Variants in LANCL3 observed in about 807,000 individuals in gnomAD.
LANCL3 encodes lanC-like protein 3.
A neutral mutation model predicts 26.5 loss-of-function variants in LANCL3; 19 were observed. The ratio of observed to expected loss-of-function variants is 0.72; its 90% CI spans 0.50 to 1.05. LANCL3 has a LOEUF of 1.05. Ranked by LOEUF, LANCL3 falls within the 50% of genes least tolerant of loss-of-function variation. The pLI, the probability that LANCL3 is intolerant of heterozygous loss-of-function variation, is 0.00. For missense variants in LANCL3, 318 were observed against 362.7 expected, an observed-to-expected ratio of 0.88 and a Z score of 1.00; for synonymous variants, 160 against 166.6, an observed-to-expected ratio of 0.96 and a Z score of 0.30.
At chrX:37,661,486 T>A (rs1297511369) in intron 3 of LANCL3, among the ~76,000 whole-genome samples, 6 of 111,275 alleles carry the variant, frequency 5.4e-5, no homozygotes, top group African/African-American at 2.0e-4. Flanking sequence ...AATAAACCAA[T>A]TCAAAAATGA....
chrX:37,584,729 A>G (rs1168467683), intron 1 of LANCL3, among the ~76,000 whole-genome samples: 2 of 111,154 alleles, frequency 1.8e-5, no homozygotes, highest in Non-Finnish European at 3.8e-5. Flanking sequence ...CGGTCTATCA[A>G]TTTTGTTGAT....
intron 1 of LANCL3, among the ~76,000 whole-genome samples, chrX:37,637,469 T>C (rs1307065408): frequency 5.4e-5 from 6 of 111,733 alleles, no homozygotes; most frequent in African/African-American, 2.0e-4. Flanking sequence ...GGAAACCTTT[T>C]GGTTTCCTGA....
At chrX:37,621,841 C>A (rs2146745299) in intron 1 of LANCL3, among the ~76,000 whole-genome samples, 1 of 111,556 alleles carries the variant, frequency 9.0e-6, no homozygotes, top group South Asian at 3.8e-4. Flanking sequence ...GCCCCCTTCC[C>A]CTTGGCTGGT....
At chrX:37,602,346 C>A (rs1556420099) in intron 1 of LANCL3, among the ~76,000 whole-genome samples, 1 of 111,561 alleles carries the variant, frequency 9.0e-6, no homozygotes, top group African/African-American at 3.3e-5. Flanking sequence ...CTTGTGTTGT[C>A]AGCTTAATGA....
chrX:37,584,654 C>A (rs182708846), intron 1 of LANCL3, among the ~76,000 whole-genome samples: 1 of 111,387 alleles, frequency 9.0e-6, no homozygotes, highest in African/African-American at 3.3e-5. Context: ...TCTGTGGGAT[C>A]GGTGGTGATA....
intron 1 of LANCL3, among the ~76,000 whole-genome samples, chrX:37,651,398 T>C (rs782303711): frequency 5.3e-5 from 6 of 112,369 alleles, no homozygotes; most frequent in Non-Finnish European, 1.1e-4. Context: ...TTAAATTTGT[T>C]TCATTTTATG....
At chrX:37,585,393 G>T (rs1255779372) in intron 1 of LANCL3, among the ~76,000 whole-genome samples, 9 of 111,126 alleles carry the variant, frequency 8.1e-5, no homozygotes, top group African/African-American at 3.0e-4. Context: ...GTTGACAGTG[G>T]GGTGTTAAAT....
chrX:37,682,662 CAT>C lies in LANCL3; in HGVS notation c.*6850_*6851del, dbSNP rs782210965. ...ACCCTTATATGTGGATATATTCAAA[CAT>C]GTGGATTGATTTAGATCATCCGTTT... On this transcript the variant is annotated 3_prime_UTR_variant, in exon 5 of 5. Transcript: ENST00000378619. The C allele has an allele frequency of 4.1e-3, 455 of 112,242 alleles. 2 individuals carry two copies. Among genetic ancestry groups the C allele is most frequent in the African/African-American group, 0.014 (437 of 30,891 alleles). 9.3% of individuals were successfully genotyped at this position (112,242 alleles called of 1,213,427 possible). A position where few individuals can be genotyped will look rare whatever the true frequency, so the allele number is the denominator to read the frequency against.
Position 37,590,200 on chromosome X carries a change from C to A in LANCL3, c.573+17757C>A, listed in dbSNP as rs147505544. 8.0e-3 allele frequency among the ~76,000 whole-genome samples: 898 copies of A among 112,305 alleles called. 5 individuals are homozygous for A. The highest frequency in any genetic ancestry group is 0.028 in the African/African-American group (851 of 30,905). On this transcript the variant is annotated intron_variant, in intron 1 of 4. Coordinates refer to ENST00000378619, the MANE Select transcript of LANCL3 (RefSeq NM_001170331.2). ...TATTCTGAGTGGTGGATTCAATAAG[C>A]TATTTTTTGCTCTTAAGTTCTCGTC...
chrX:37,579,960 G>A (rs782588127), intron 1 of LANCL3, among the ~76,000 whole-genome samples: 6 of 111,800 alleles, frequency 5.4e-5, no homozygotes, highest in Non-Finnish European at 9.4e-5. Context: ...AAACTGACGA[G>A]TATAAAATTA....
chrX:37,657,496 G>A (rs1437401059), intron 2 of LANCL3, among the ~76,000 whole-genome samples: 1 of 109,745 alleles, frequency 9.1e-6, no homozygotes, highest in Non-Finnish European at 1.9e-5. Context: ...CAAGTAGCTA[G>A]GACTACAGGT....
At chrX:37,582,278 A>G (rs1184084336) in intron 1 of LANCL3, among the ~76,000 whole-genome samples, 33 of 112,075 alleles carry the variant, frequency 2.9e-4, no homozygotes, top group African/African-American at 1.0e-3. Context: ...CATGACTTAC[A>G]ATCCTCTGGG....
chrX:37,594,943 A>G (rs1171292438), intron 1 of LANCL3, among the ~76,000 whole-genome samples: 2 of 111,994 alleles, frequency 1.8e-5, no homozygotes, highest in Non-Finnish European at 3.8e-5. Flanking sequence ...GCGAAATTAG[A>G]TGGCAAGTTG....
chrX:37,573,478 G>GT (rs200043095), intron 1 of LANCL3, among the ~76,000 whole-genome samples: 37 of 110,660 alleles, frequency 3.3e-4, no homozygotes, highest in South Asian at 7.6e-4. Context: ...GGCAGACAGG[G>GT]TTTTTTTTTA....
intron 1 of LANCL3, among the ~76,000 whole-genome samples, chrX:37,636,346 G>A (rs782328037): frequency 5.4e-5 from 6 of 111,742 alleles, no homozygotes; most frequent in East Asian, 2.8e-4. Context: ...GGACTTGCTG[G>A]GTCAAATGGT....
Position 37,589,375 on chromosome X carries a change from T to C in LANCL3, c.573+16932T>C, listed in dbSNP as rs180833756. 4.0e-3 allele frequency among the ~76,000 whole-genome samples: 440 copies of C among 111,349 alleles called. 4 individuals are homozygous for C. The highest frequency in any genetic ancestry group is 0.013 in the East Asian group (47 of 3,495). On this transcript the variant is annotated intron_variant, in intron 1 of 4. Coordinates refer to ENST00000378619, the MANE Select transcript of LANCL3 (RefSeq NM_001170331.2). The stretch of plus-strand genomic sequence containing the variant: ...TAATTTCTTCACCAACAAAATGCAA[T>C]TCAAGCAGCACCTACCTCATAGGTG...
intron 1 of LANCL3, among the ~76,000 whole-genome samples, chrX:37,650,560 G>A (rs1192044008): frequency 4.7e-5 from 5 of 105,359 alleles, no homozygotes; most frequent in Non-Finnish European, 7.8e-5. Context: ...AAGAAAGGGC[G>A]GAGTATGGGG....
At chrX:37,584,775 GT>G in intron 1 of LANCL3, among the ~76,000 whole-genome samples, 1 of 111,499 alleles carries the variant, frequency 9.0e-6, no homozygotes, top group Admixed American at 9.5e-5. Flanking sequence ...TTTTTGAAGG[GT>G]TTTTTGTTTC....
chrX:37,597,824 T>G (rs1924477893), intron 1 of LANCL3, among the ~76,000 whole-genome samples: 1 of 109,177 alleles, frequency 9.2e-6, no homozygotes. Flanking sequence ...GCCACAGCAC[T>G]TATTATTATC....
Sources: gnomAD v4.1 joint callset for allele counts (sites outside exome capture counted in the v4.1 genomes callset) on GRCh38, gnomAD v4.1.1 for gene constraint, MANE v1.5 for transcripts, NCBI Gene and HGNC (gene_info 2026-07-23, HGNC 2026-07-21) for gene names.